HTR3E: variants seen among roughly 807,000 people sequenced by gnomAD.
HTR3E encodes the protein 5-hydroxytryptamine (serotonin) receptor 3, family member E.
HTR3E carries 38 observed loss-of-function variants against 38.0 expected under a neutral mutation model. The observed-to-expected ratio is 1.00, with a 90% CI of 0.77 to 1.31. HTR3E has a LOEUF of 1.31. Ranked by LOEUF, HTR3E falls within the 50% of genes most tolerant of loss-of-function variation. The probability of loss-of-function intolerance (pLI) is 0.00; values close to 1 mark genes in which losing one functional copy is unlikely to be tolerated. For synonymous variants in HTR3E, 210 were observed against 232.9 expected (o/e 0.90, Z 0.89); for missense variants, 547 against 585.2 (o/e 0.93, Z 0.67).
At chr3:184,105,613 C>G (rs1244398813) in intron 6 of HTR3E, 152 bp from the exon 7 acceptor site, 10 of 906,000 alleles carry the variant, frequency 1.1e-5, no homozygotes, top group Non-Finnish European at 1.5e-5. Context: ...AGGTTCTATA[C>G]CAGATTCTAA....
In HTR3E at chr3:184,106,391, TG is replaced by T; in HGVS notation, c.1141+49del. 6.4e-7 allele frequency: 1 copy of T among 1,569,876 alleles called. No individual in the cohort carries two copies. Among genetic ancestry groups the T allele is most frequent in the Non-Finnish European group, 8.6e-7 (1 of 1,157,112 alleles). ...TCCCCCACCTCCACTTCTCTGCTCC[TG>T]CCTCCTTCCCTGTCTCCCTCCCTCC... On this transcript the variant is annotated intron_variant, in intron 8 of 8. Coordinates refer to ENST00000415389, the MANE Select transcript of HTR3E (RefSeq NM_001256613.2). This position sits in a 1 kb window ranked among gnomAD's most constrained non-coding sequence, Gnocchi z 4.1.
intron 3 of HTR3E, 99 bp downstream of exon 3, chr3:184,101,628 T>A: frequency 1.0e-6 from 1 of 972,022 alleles, no homozygotes. Flanking sequence ...AACATTGGTT[T>A]GAAACACATG....
Position 184,100,641 on chromosome 3 carries a change from T to C in HTR3E, c.224T>C (p.Ile75Thr). The C allele has an allele frequency of 6.2e-7, 1 of 1,613,936 alleles. No homozygotes were observed. ...AACATCTCCTTCGCGATGTCTGCCATCCTAGATGTGGTGAGTGCTGACCTC... is the reference window on the plus strand; with the variant it reads ...AACATCTCCTTCGCGATGTCTGCCACCCTAGATGTGGTGAGTGCTGACCTC... Reference protein sequence around the residue: ...QVNISFAMSAILDVNEQLHLL... With the variant: ...QVNISFAMSATLDVNEQLHLL... The change falls in exon 2 of 9, where the codon ATC becomes ACC. Residue 75 changes from isoleucine (I) to threonine (T), a missense_variant. Ile to Thr is a moderately conservative substitution (Grantham distance 89). Coordinates refer to ENST00000415389, the MANE Select transcript of HTR3E (RefSeq NM_001256613.2).
chr3:184,103,174 T>A (rs1011748336), intron 3 of HTR3E, among the ~76,000 whole-genome samples: 1 of 151,690 alleles, frequency 6.6e-6, no homozygotes, highest in Non-Finnish European at 1.5e-5. Flanking sequence ...ATGAATTGAG[T>A]TTCCAACTTG....
chr3:184,100,352 C>G, intron 1 of HTR3E, 133 bp from the exon 2 acceptor site: 1 of 1,605,972 alleles, frequency 6.2e-7, no homozygotes, highest in Non-Finnish European at 8.5e-7. Context: ...ATATACCTGA[C>G]ACACAGCCAG....
chr3:184,105,809 C>A lies in HTR3E; in HGVS notation c.765C>A (p.Leu255=). The change falls in exon 7 of 9, where the codon CTC becomes CTA. Residue 255 remains leucine, a synonymous_variant. Transcript: ENST00000415389. ...CCAGTCTCTATGTCATAAACCTTCT[C>A]GTGCCCAGTGGCTTTCTGGTTGCCA... ...RRPSLYVINL[L]VPSGFLVAID... 2 of 1,614,206 alleles carry A rather than the reference C, an allele frequency of 1.2e-6. No individual in the cohort carries two copies. The highest frequency in any genetic ancestry group is 1.7e-6 in the Non-Finnish European group (2 of 1,180,042).
At chr3:184,102,354 C>T (rs1712100628) in intron 3 of HTR3E, among the ~76,000 whole-genome samples, 1 of 151,606 alleles carries the variant, frequency 6.6e-6, no homozygotes, top group Non-Finnish European at 1.5e-5. Flanking sequence ...GTCCCAGCTA[C>T]TGGGGAGCCT....
intron 1 of HTR3E, among the ~76,000 whole-genome samples, chr3:184,099,289 C>T (rs1157736328): frequency 6.6e-6 from 1 of 151,934 alleles, no homozygotes; most frequent in Non-Finnish European, 1.5e-5. Flanking sequence ...GTCACAGTTA[C>T]TTGGGAGGCT....
In HTR3E at chr3:184,099,739, A is replaced by AAC. The variant is rs767836103; in HGVS notation, c.68-745_68-744insCA. ...CCGTCTCAAAAAAAAAAAAAAAAAA[A>AAC]AGAAAGAAATATGCACAATTATTAT... is the stretch of plus-strand genomic sequence containing the variant. On this transcript the variant is annotated intron_variant, in intron 1 of 8. Transcript: ENST00000415389. 7.1e-5 allele frequency among the ~76,000 whole-genome samples: 8 copies of AAC among 113,098 alleles called. 1 individual carries two copies. Among genetic ancestry groups the AAC allele is most frequent in the African/African-American group, 3.0e-4 (8 of 27,058 alleles). 74.2% of individuals were successfully genotyped at this position (113,098 alleles called of 152,430 possible).
At position 184,105,382 on chromosome 3, in the gene HTR3E, A is replaced by G. The variant is rs751412132; in HGVS notation, c.675A>G (p.Ala225=). The change falls in exon 6 of 9, where the codon GCA becomes GCG. Residue 225 remains alanine (A), a synonymous_variant. Transcript: ENST00000415389. The part of the protein sequence containing the change: ...WELLGLSKAT[A]KLSRGGNLYD... ...TCCTGGGCCTCAGCAAGGCCACCGC[A>G]AAGTTGTCCAGGGGAGGCAACCTGT... 2 of 1,613,984 alleles carry G rather than the reference A, an allele frequency of 1.2e-6. No homozygotes were observed. The highest frequency in any genetic ancestry group is 2.7e-5 in the African/African-American group (2 of 74,928).
In HTR3E at chr3:184,104,946, C is replaced by G. The variant is rs1240813873; in HGVS notation, c.549C>G (p.Phe183Leu). The stretch of plus-strand genomic sequence containing the variant: ...ACTGCACACTCACCTTCAGCTCATT[C>G]CTCTACACAGGTAAGTTGCAGTGAG... The part of the protein sequence containing the change: ...QQNCTLTFSS[F>L]LYTVDSMLLD... Residue 183 changes from phenylalanine to leucine, a missense_variant, in exon 5 of 9, where the codon TTC (phenylalanine) becomes TTG (leucine). Physicochemically the swap from Phe to Leu is conservative, Grantham distance 22. Transcript: ENST00000415389. The G allele has an allele frequency of 1.2e-6, 2 of 1,612,956 alleles. No individual in the cohort carries two copies. The highest frequency in any genetic ancestry group is 1.7e-6 in the Non-Finnish European group (2 of 1,179,590).
rs914973634 is a variant in HTR3E at position 184,106,995 on chromosome 3, A to G, written c.*302A>G. The G allele has an allele frequency of 1.9e-5, 6 of 310,714 alleles. No homozygotes were observed. Among genetic ancestry groups the G allele is most frequent in the Non-Finnish European group, 3.5e-5 (6 of 169,554 alleles). 19.2% of individuals were successfully genotyped at this position (310,714 alleles called of 1,614,324 possible). A position where few individuals can be genotyped will look rare whatever the true frequency, so the allele number is the denominator to read the frequency against. On this transcript the variant is annotated 3_prime_UTR_variant, in exon 9 of 9. Transcript: ENST00000415389. The surrounding 1 kb of genome is among the most constrained non-coding windows in gnomAD (Gnocchi z 4.1). ...TTGCCCAATAAATAATTCTGCAGAG[A>G]TTTCTGGCTCTTTGTCAGGTCGTAG...
At chr3:184,101,103 C>T (rs141810788) in intron 2 of HTR3E, among the ~76,000 whole-genome samples, 1 of 152,124 alleles carries the variant, frequency 6.6e-6, no homozygotes, top group Admixed American at 6.6e-5. Flanking sequence ...GTCACAACAC[C>T]TGGCTAATTT....
intron 1 of HTR3E, 22 bp from the exon 2 acceptor site, chr3:184,100,463 A>C (rs764869677): frequency 6.2e-7 from 1 of 1,613,896 alleles, no homozygotes; most frequent in Non-Finnish European, 8.5e-7. Context: ...CCTTCATCTC[A>C]CACATTCGAT....
chr3:184,105,037 A>G (rs1712337304), intron 5 of HTR3E, 81 bp downstream of exon 5: 2 of 1,400,992 alleles, frequency 1.4e-6, no homozygotes, highest in Non-Finnish European at 2.0e-6. Flanking sequence ...AATGGTGACC[A>G]AGGAGTATGG....
chr3:184,104,861 C>T lies in HTR3E; in HGVS notation c.464C>T (p.Pro155Leu), dbSNP rs768726496. ...GAAGGTCGCATCAGGTATAAGAAAC[C>T]CATGAAGGTGGACAGTATCTGTAAC... ...SNEGRIRYKK[P>L]MKVDSICNLD... is the part of the protein sequence containing the mutation. Residue 155 changes from proline (P) to leucine (L), a missense_variant, in exon 5 of 9, where the codon CCC becomes CTC. Transcript: ENST00000415389. The T allele has an allele frequency of 6.2e-7, 1 of 1,613,986 alleles. No individual in the cohort carries two copies. The highest frequency in any genetic ancestry group is 1.7e-5 in the Admixed American group (1 of 59,970).
At chr3:184,097,627 G>A (rs1162252595) in intron 1 of HTR3E, 31 bp downstream of exon 1, 1 of 1,486,508 alleles carries the variant, frequency 6.7e-7, no homozygotes, top group Admixed American at 2.0e-5. Flanking sequence ...GGGGAAGGCG[G>A]AAGAAGGAGG....
chr3:184,098,340 T>A (rs1383788488), intron 1 of HTR3E, among the ~76,000 whole-genome samples: 1 of 152,190 alleles, frequency 6.6e-6, no homozygotes, highest in East Asian at 1.9e-4. Flanking sequence ...TTGTGAGGAT[T>A]CAGTAAGAGA....
intron 1 of HTR3E, chr3:184,100,213 T>G: frequency 1.4e-6 from 2 of 1,403,654 alleles, no homozygotes; most frequent in South Asian, 3.0e-5. Flanking sequence ...ATTGGCTGTC[T>G]GACTGTAGGA....
Sources: allele counts gnomAD v4.1 joint callset (sites outside exome capture counted in the v4.1 genomes callset), GRCh38; gene constraint gnomAD v4.1.1; non-coding constraint Gnocchi (gnomAD v3.1); transcripts MANE v1.5; gene names NCBI Gene and HGNC (gene_info 2026-07-23, HGNC 2026-07-21).